Variants in PTGER3 observed in about 807,000 individuals in gnomAD.
PTGER3 encodes the protein prostaglandin E2 receptor EP3 subtype.
A neutral mutation model predicts 34.7 loss-of-function variants in PTGER3; 22 were observed. The observed-to-expected ratio is 0.63, with a 90% CI of 0.45 to 0.91. The LOEUF is 0.91. Ranked by LOEUF, PTGER3 falls within the 40% of genes least tolerant of loss-of-function variation. The probability of loss-of-function intolerance (pLI) is 0.00; values close to 1 mark genes in which losing one functional copy is unlikely to be tolerated. For synonymous variants in PTGER3, 241 were observed against 230.1 expected (o/e 1.05, Z -0.43); for missense variants, 468 against 519.4 (o/e 0.90, Z 0.96).
At chr1:70,974,253 G>T (rs756101825) in intron 3 of PTGER3, 44 bp downstream of exon 3, 2 of 1,605,980 alleles carry the variant, frequency 1.2e-6, no homozygotes, top group Non-Finnish European at 1.7e-6. Flanking sequence ...ACAGAGAGAC[G>T]GGGGAAGGCT....
At chr1:70,933,876 C>G (rs1363914192) in intron 4 of PTGER3, among the ~76,000 whole-genome samples, 1 of 152,014 alleles carries the variant, frequency 6.6e-6, no homozygotes, top group Non-Finnish European at 1.5e-5. Context: ...ACCCTGTCCC[C>G]CAAATGGTGA....
At chr1:70,900,282 A>G (rs1468828472) in intron 4 of PTGER3, among the ~76,000 whole-genome samples, 2 of 151,872 alleles carry the variant, frequency 1.3e-5, no homozygotes, top group East Asian at 1.9e-4. Context: ...CGTGTTTCCT[A>G]CTCTGTCAGT....
intron 4 of PTGER3, among the ~76,000 whole-genome samples, chr1:70,915,298 G>T (rs1181805724): frequency 6.6e-6 from 1 of 151,766 alleles, no homozygotes; most frequent in African/African-American, 2.4e-5. Context: ...CTCTTTCATG[G>T]AATGTGTTAA....
chr1:71,011,883 T>C (rs1657479238), intron 2 of PTGER3: 1 of 1,064,328 alleles, frequency 9.4e-7, no homozygotes, highest in Admixed American at 5.0e-5. Context: ...ATTCCTCATG[T>C]ATTCAGTGTA....
At chr1:71,039,753 T>C (rs775697113) in intron 1 of PTGER3, among the ~76,000 whole-genome samples, 2 of 152,228 alleles carry the variant, frequency 1.3e-5, no homozygotes, top group African/African-American at 4.8e-5. Flanking sequence ...ACCACATTTT[T>C]TCCCCAATGA....
At chr1:71,041,267 AGGTG>A (rs1162470252) in intron 1 of PTGER3, among the ~76,000 whole-genome samples, 1 of 152,244 alleles carries the variant, frequency 6.6e-6, no homozygotes, top group African/African-American at 2.4e-5. Context: ...ATTAGCCTAC[AGGTG>A]GGCAAAATCA....
At chr1:70,907,028 T>C (rs1326389112) in intron 4 of PTGER3, among the ~76,000 whole-genome samples, 1 of 152,230 alleles carries the variant, frequency 6.6e-6, no homozygotes, top group East Asian at 1.9e-4. Flanking sequence ...GCCAAGTGTT[T>C]CCTGTCTTAG....
chr1:71,042,453 G>A (rs1384589439), intron 1 of PTGER3, among the ~76,000 whole-genome samples: 1 of 151,398 alleles, frequency 6.6e-6, no homozygotes, highest in Non-Finnish European at 1.5e-5. Flanking sequence ...TCATAAATGT[G>A]GAAATTCTGC....
chr1:71,027,629 T>C lies in PTGER3; in HGVS notation c.898-15145A>G, dbSNP rs1170908826. Among the ~76,000 whole-genome samples, 3 of 152,290 alleles carry C rather than the reference T, an allele frequency of 2.0e-5. No homozygotes were observed. The East Asian group carries it at 5.8e-4, about 29-fold the overall frequency. On this transcript the variant is annotated intron_variant, in intron 1 of 3. Coordinates refer to ENST00000306666, the MANE Select transcript of PTGER3 (RefSeq NM_198719.2). Reference sequence around the variant, plus strand: ...ACATAGTCCCCCCGGTTAAAACAATTGGAAAATCATCAGTCTAATGCAGTA... The same window carrying C: ...ACATAGTCCCCCCGGTTAAAACAATCGGAAAATCATCAGTCTAATGCAGTA...
At chr1:70,861,912 G>T (rs1489137263) in intron 4 of PTGER3, among the ~76,000 whole-genome samples, 2 of 151,648 alleles carry the variant, frequency 1.3e-5, no homozygotes, top group Admixed American at 6.6e-5. Flanking sequence ...CTTACTGTTT[G>T]GTCCCTTCCC....
chr1:70,860,433 A>G (rs1645902587), intron 4 of PTGER3, among the ~76,000 whole-genome samples: 1 of 152,146 alleles, frequency 6.6e-6, no homozygotes, highest in South Asian at 2.1e-4. Flanking sequence ...GTCAGGAAGG[A>G]CTTTGGCCAC....
chr1:70,924,945 T>G (rs182565050), intron 4 of PTGER3, among the ~76,000 whole-genome samples: 1 of 152,290 alleles, frequency 6.6e-6, no homozygotes. Flanking sequence ...GTATAATTCC[T>G]AGTTCAGTTA....
chr1:70,919,809 A>C (rs867067720), intron 4 of PTGER3, among the ~76,000 whole-genome samples: 10 of 152,176 alleles, frequency 6.6e-5, no homozygotes, highest in South Asian at 2.1e-4. Context: ...TAGAAGCCAG[A>C]ATAGTTTCAG....
downstream of PTGER3, among the ~76,000 whole-genome samples, chr1:70,948,405 C>G (rs1041706069): frequency 6.6e-6 from 1 of 152,116 alleles, no homozygotes; most frequent in Admixed American, 6.6e-5. Context: ...TCCCCTTCCA[C>G]CATTAACTGT....
chr1:70,888,204 G>A (rs757561882), intron 4 of PTGER3, among the ~76,000 whole-genome samples: 10 of 152,142 alleles, frequency 6.6e-5, no homozygotes, highest in Admixed American at 6.5e-5. Flanking sequence ...CCTCACAATC[G>A]TGAAGGGGCA....
chr1:70,955,684 C>A (rs764080305), intron 2 of PTGER3, among the ~76,000 whole-genome samples: 1 of 152,060 alleles, frequency 6.6e-6, no homozygotes, highest in Non-Finnish European at 1.5e-5. Context: ...AGTAGAAATA[C>A]AGGAAATAAA....
intron 4 of PTGER3, among the ~76,000 whole-genome samples, chr1:70,887,495 G>C (rs925087983): frequency 6.6e-6 from 1 of 152,106 alleles, no homozygotes; most frequent in Non-Finnish European, 1.5e-5. Flanking sequence ...AATGAGGAAG[G>C]CTCAGGTTTC....
At chr1:70,990,442 A>AAT (rs140935303) in intron 2 of PTGER3, among the ~76,000 whole-genome samples, 5 of 146,968 alleles carry the variant, frequency 3.4e-5, no homozygotes, top group Admixed American at 6.8e-5. Flanking sequence ...ATCAATGTAT[A>AAT]ATATATATAT....
intron 2 of PTGER3, among the ~76,000 whole-genome samples, chr1:70,990,390 T>C (rs202093430): frequency 0.3 from 41,724 of 138,512 alleles, 6,498 homozygotes; most frequent in South Asian, 0.41. Flanking sequence ...CACACACATA[T>C]ATATATATAT....
Sources: gnomAD v4.1 joint callset for allele counts (sites outside exome capture counted in the v4.1 genomes callset) on GRCh38, gnomAD v4.1.1 for gene constraint, MANE v1.5 for transcripts, NCBI Gene and HGNC (gene_info 2026-07-23, HGNC 2026-07-21) for gene names.